Variants in LMBR1 observed in about 807,000 individuals in gnomAD.
LMBR1 encodes limb region 1 protein homolog.
LMBR1 carries 52 observed loss-of-function variants against 73.9 expected under a neutral mutation model. The ratio of observed to expected loss-of-function variants is 0.70; its 90% CI spans 0.56 to 0.89. LMBR1 has a LOEUF of 0.89. LMBR1 is among the 40% of genes least tolerant of loss of function. The probability of loss-of-function intolerance (pLI) is 0.00; values close to 1 mark genes in which losing one functional copy is unlikely to be tolerated. For synonymous variants in LMBR1, 215 were observed against 209.4 expected, an observed-to-expected ratio of 1.03 and a Z score of -0.23; for missense variants, 539 against 579.8, an observed-to-expected ratio of 0.93 and a Z score of 0.72.
At chr7:156,786,955 T>G (rs1828214563) in intron 5 of LMBR1, among the ~76,000 whole-genome samples, 1 of 152,194 alleles carries the variant, frequency 6.6e-6, no homozygotes, top group Non-Finnish European at 1.5e-5. Flanking sequence ...TTTAATCAAC[T>G]TTAATGCTAT....
intron 15 of LMBR1, among the ~76,000 whole-genome samples, chr7:156,710,686 T>C (rs1229310691): frequency 1.3e-5 from 2 of 152,196 alleles, no homozygotes; most frequent in Non-Finnish European, 2.9e-5. Context: ...GGGAAATTCA[T>C]CACAAAATGA....
At chr7:156,890,752 G>A (rs1802763708) in intron 1 of LMBR1, among the ~76,000 whole-genome samples, 1 of 152,204 alleles carries the variant, frequency 6.6e-6, no homozygotes, top group Non-Finnish European at 1.5e-5. Context: ...TGGCGGAAGT[G>A]TACACTGGTA....
intron 1 of LMBR1, among the ~76,000 whole-genome samples, chr7:156,864,625 A>C (rs895750288): frequency 1.3e-5 from 2 of 152,194 alleles, no homozygotes; most frequent in African/African-American, 2.4e-5. Flanking sequence ...CCTAACTCCT[A>C]ATTTGTGCTC....
At chr7:156,812,936 A>G (rs1833344324) in intron 4 of LMBR1, among the ~76,000 whole-genome samples, 1 of 152,084 alleles carries the variant, frequency 6.6e-6, no homozygotes, top group South Asian at 2.1e-4. Context: ...TCAAGGCAGC[A>G]CCTTGTTTGC....
intron 2 of LMBR1, 69 bp downstream of exon 2, chr7:156,836,744 T>G (rs1361029924): frequency 1.4e-5 from 14 of 974,668 alleles, no homozygotes; most frequent in Non-Finnish European, 2.0e-5. Flanking sequence ...TGTACTAATA[T>G]ATCTTATATA....
intron 4 of LMBR1, among the ~76,000 whole-genome samples, chr7:156,800,922 T>C (rs964425051): frequency 1.3e-5 from 2 of 152,198 alleles, no homozygotes; most frequent in East Asian, 3.8e-4. Context: ...GTGACTGAAT[T>C]GCTGCAATCT....
intron 1 of LMBR1, among the ~76,000 whole-genome samples, chr7:156,876,199 C>A (rs1434314560): frequency 6.6e-6 from 1 of 152,068 alleles, no homozygotes; most frequent in Non-Finnish European, 1.5e-5. Flanking sequence ...GACTTCAAAG[C>A]AAGAGCAGTT....
intron 4 of LMBR1, among the ~76,000 whole-genome samples, chr7:156,809,350 A>G (rs1182773702): frequency 3.3e-5 from 5 of 152,136 alleles, no homozygotes; most frequent in Admixed American, 3.3e-4. Context: ...TTTTTCTTTT[A>G]GTACAATCCT....
chr7:156,745,931 T>C (rs1271462433), intron 9 of LMBR1, among the ~76,000 whole-genome samples: 1 of 152,198 alleles, frequency 6.6e-6, no homozygotes, highest in African/African-American at 2.4e-5. Context: ...AGAGGAGGGA[T>C]AAAGCTAGTA....
At chr7:156,880,722 A>G (rs1211449492) in intron 1 of LMBR1, among the ~76,000 whole-genome samples, 3 of 152,002 alleles carry the variant, frequency 2.0e-5, no homozygotes, top group African/African-American at 7.2e-5. Flanking sequence ...ACACAATCTC[A>G]GCTCACTGCA....
At chr7:156,689,945 G>C (rs941709197) in intron 15 of LMBR1, among the ~76,000 whole-genome samples, 2 of 152,200 alleles carry the variant, frequency 1.3e-5, no homozygotes, top group African/African-American at 2.4e-5. Context: ...CTTCAACCCA[G>C]AGATCTCAGA....
intron 1 of LMBR1, among the ~76,000 whole-genome samples, chr7:156,849,442 C>T (rs1226055810): frequency 6.6e-6 from 1 of 152,058 alleles, no homozygotes; most frequent in Non-Finnish European, 1.5e-5. Context: ...ACACCAAACC[C>T]CTGTGAAACA....
chr7:156,864,111 G>A (rs12540902), intron 1 of LMBR1, among the ~76,000 whole-genome samples: 10,877 of 151,970 alleles, frequency 0.072, 515 homozygotes, highest in African/African-American at 0.12. Flanking sequence ...CTGAGATCAC[G>A]CCACTGCACT....
At chr7:156,675,443 TCAG>T (rs1487156112), downstream of LMBR1, among the ~76,000 whole-genome samples, 1 of 152,184 alleles carries the variant, frequency 6.6e-6, no homozygotes, top group Non-Finnish European at 1.5e-5. Context: ...CTTAAAATAT[TCAG>T]TATGCCAAGG....
intron 11 of LMBR1, 116 bp from the exon 12 acceptor site, chr7:156,728,123 C>T (rs1046697761): frequency 1.0e-5 from 7 of 692,458 alleles, no homozygotes; most frequent in Admixed American, 2.7e-5. Flanking sequence ...AAGACCAAAA[C>T]GCTATATATA....
chr7:156,729,107 A>T (rs1816343698), intron 10 of LMBR1, among the ~76,000 whole-genome samples: 1 of 152,242 alleles, frequency 6.6e-6, no homozygotes, highest in South Asian at 2.1e-4. Flanking sequence ...GCTTCCTAAC[A>T]TGGTGAGATT....
intron 4 of LMBR1, among the ~76,000 whole-genome samples, chr7:156,801,225 T>C (rs1830901608): frequency 6.6e-6 from 1 of 152,168 alleles, no homozygotes; most frequent in Non-Finnish European, 1.5e-5. Context: ...TACACTGTTG[T>C]CTTATTTTAA....
intron 15 of LMBR1, among the ~76,000 whole-genome samples, chr7:156,719,686 C>T (rs1381306124): frequency 6.6e-6 from 1 of 152,032 alleles, no homozygotes; most frequent in Non-Finnish European, 1.5e-5. Context: ...AGGCATCATG[C>T]TACCTGACTT....
At chr7:156,891,190 C>CAAAAAAAAAA (rs58107543) in intron 1 of LMBR1, among the ~76,000 whole-genome samples, 3 of 20,672 alleles carry the variant, frequency 1.5e-4, no homozygotes, top group African/African-American at 2.2e-4. Context: ...GACTCCATCA[C>CAAAAAAAAAA]AAAAAAAAAA....
Sources: gnomAD v4.1 joint callset for allele counts (sites outside exome capture counted in the v4.1 genomes callset) on GRCh38, gnomAD v4.1.1 for gene constraint, MANE v1.5 for transcripts, NCBI Gene and HGNC (gene_info 2026-07-23, HGNC 2026-07-21) for gene names.